Variants in RAB3GAP1 observed in about 807,000 individuals in gnomAD.
The protein encoded by RAB3GAP1 is rab3 GTPase-activating protein catalytic subunit.
Under a neutral mutation model 130.7 loss-of-function variants are expected in RAB3GAP1, and 86 were observed. The ratio of observed to expected loss-of-function variants is 0.66; its 90% CI spans 0.55 to 0.79. RAB3GAP1 has a LOEUF of 0.79. Ranked by LOEUF, RAB3GAP1 falls within the 30% of genes least tolerant of loss-of-function variation. The pLI, the probability that RAB3GAP1 is intolerant of heterozygous loss-of-function variation, is 0.00. For synonymous variants in RAB3GAP1, 367 were observed against 401.7 expected (o/e 0.91, Z 1.03); for missense variants, 1,029 against 1,169.4 (o/e 0.88, Z 1.75).
chr2:135,168,508 G>T, intron 23 of RAB3GAP1, 37 bp from the exon 24 acceptor site: 1 of 1,538,212 alleles, frequency 6.5e-7, no homozygotes, highest in South Asian at 1.1e-5. Context: ...TTTAGCATTT[G>T]ACCTGCTTTT....
chr2:135,109,334 TGTG>T (rs1201521424), intron 5 of RAB3GAP1, among the ~76,000 whole-genome samples: 1 of 152,056 alleles, frequency 6.6e-6, no homozygotes, highest in African/African-American at 2.4e-5. Flanking sequence ...TATGTGTGTG[TGTG>T]GTGGTATTGG....
At chr2:135,117,043 A>T (rs1213948361) in intron 7 of RAB3GAP1, among the ~76,000 whole-genome samples, 2 of 150,010 alleles carry the variant, frequency 1.3e-5, no homozygotes, top group East Asian at 2.0e-4. Context: ...CTTTGATATT[A>T]AAAAAAAAAT....
intron 17 of RAB3GAP1, among the ~76,000 whole-genome samples, chr2:135,145,333 C>T (rs1691962544): frequency 6.6e-6 from 1 of 151,796 alleles, no homozygotes; most frequent in Non-Finnish European, 1.5e-5. Flanking sequence ...GAACTTATTC[C>T]TTCTATCTGT....
chr2:135,173,153 G>A (rs1275072024), downstream of RAB3GAP1, among the ~76,000 whole-genome samples: 4 of 152,070 alleles, frequency 2.6e-5, no homozygotes, highest in Admixed American at 1.3e-4. Flanking sequence ...GCTAAATTTG[G>A]GGGTAATTTA....
intron 7 of RAB3GAP1, among the ~76,000 whole-genome samples, chr2:135,116,270 TATTAC>T (rs1296985774): frequency 8.1e-4 from 124 of 152,172 alleles, no homozygotes; most frequent in African/African-American, 2.7e-3. Context: ...ATTATATGTA[TATTAC>T]AATGAAGTAT....
chr2:135,126,464 A>T, intron 10 of RAB3GAP1, 119 bp from the exon 11 acceptor site: 1 of 1,059,412 alleles, frequency 9.4e-7, no homozygotes, highest in Non-Finnish European at 1.5e-6. Flanking sequence ...GAGTAAGTTT[A>T]AGGGAGGCTA....
chr2:135,073,231 A>G (rs527899562), intron 3 of RAB3GAP1, among the ~76,000 whole-genome samples: 43 of 152,320 alleles, frequency 2.8e-4, no homozygotes, highest in African/African-American at 8.9e-4. Flanking sequence ...TTGGACAGAG[A>G]GAGGGAGTGC....
At position 135,072,077 on chromosome 2, in the gene RAB3GAP1, T is replaced by C. The variant is rs114553129; in HGVS notation, c.150+13991T>C. Among the ~76,000 whole-genome samples the C allele has an allele frequency of 1.8e-3, 275 of 152,318 alleles. 1 individual carries two copies. Among genetic ancestry groups the C allele is most frequent in the African/African-American group, 6.4e-3 (266 of 41,576 alleles). On this transcript the variant is annotated intron_variant, in intron 3 of 23. Transcript: ENST00000264158. ...ACAGGTGTGCACCACCATGCCTGGC[T>C]ACTTTGTTGTATTAGTAGAGACGAG...
At chr2:135,137,099 A>G (rs1158391423) in intron 17 of RAB3GAP1, 1 of 257,232 alleles carries the variant, frequency 3.9e-6, no homozygotes, top group Non-Finnish European at 7.7e-6. Context: ...CTTAATTAAA[A>G]AAGATTGATT....
intron 9 of RAB3GAP1, 118 bp from the exon 10 acceptor site, chr2:135,126,063 G>T: frequency 1.3e-6 from 1 of 757,456 alleles, no homozygotes; most frequent in Non-Finnish European, 2.2e-6. Flanking sequence ...CCAGTATGTT[G>T]TATTATAAAT....
At chr2:135,130,429 C>G in intron 12 of RAB3GAP1, 123 bp from the exon 13 acceptor site, 1 of 816,336 alleles carries the variant, frequency 1.2e-6, no homozygotes, top group Non-Finnish European at 1.9e-6. Flanking sequence ...TTTATAATTC[C>G]AAGACCATGT....
intron 5 of RAB3GAP1, among the ~76,000 whole-genome samples, chr2:135,107,407 A>G (rs35031037): frequency 6.6e-6 from 1 of 151,770 alleles, no homozygotes; most frequent in Non-Finnish European, 1.5e-5. Context: ...AATATATATG[A>G]CAATATTGCA....
intron 11 of RAB3GAP1, among the ~76,000 whole-genome samples, chr2:135,129,279 C>T (rs62170248): frequency 0.042 from 6,391 of 151,804 alleles, 157 homozygotes; most frequent in African/African-American, 0.055. Context: ...AGTGAAACCC[C>T]GTCTCTACTA....
chr2:135,135,872 T>C lies in RAB3GAP1; in HGVS notation c.1863T>C (p.Tyr621=), dbSNP rs749901152. 1.7e-5 allele frequency: 27 copies of C among 1,614,018 alleles called. No homozygotes were observed. Among genetic ancestry groups the C allele is most frequent in the Middle Eastern group, 3.3e-4 (2 of 6,084 alleles). The change falls in exon 17 of 24, where the codon TAT becomes TAC. Residue 621 remains tyrosine (Y), a synonymous_variant. Coordinates refer to ENST00000264158, the MANE Select transcript of RAB3GAP1 (RefSeq NM_012233.3). ...MANLRPEGRL[Y]QHGKLTLLHN... is the part of the protein sequence containing the mutation. ...ATTTAAGGCCGGAAGGACGGCTCTA[T>C]CAGCATGGGAAACTTACACTGCTGC...
At chr2:135,112,726 GA>G (rs1690841553) in intron 5 of RAB3GAP1, among the ~76,000 whole-genome samples, 1 of 151,904 alleles carries the variant, frequency 6.6e-6, no homozygotes, top group Admixed American at 6.6e-5. Context: ...GTGGTCTTAT[GA>G]ATACACCCAT....
chr2:135,136,890 GC>G (rs764389417), intron 17 of RAB3GAP1: 30 of 269,838 alleles, frequency 1.1e-4, no homozygotes, highest in Non-Finnish European at 1.9e-4. Context: ...TTCAAGACCA[GC>G]CTGTATAAGA....
At chr2:135,113,298 C>CA (rs756333461) in intron 6 of RAB3GAP1, 28 bp downstream of exon 6, 11 of 1,612,054 alleles carry the variant, frequency 6.8e-6, no homozygotes, top group East Asian at 2.2e-5. Flanking sequence ...AAAACCTAGA[C>CA]AAAAAAACTG....
At chr2:135,070,610 C>A (rs1288923898) in intron 3 of RAB3GAP1, among the ~76,000 whole-genome samples, 1 of 152,108 alleles carries the variant, frequency 6.6e-6, no homozygotes, top group African/African-American at 2.4e-5. Context: ...CAGGTTCAAG[C>A]AGTTCTCTTG....
chr2:135,100,189 C>T (rs1690412306), intron 5 of RAB3GAP1, among the ~76,000 whole-genome samples: 1 of 152,156 alleles, frequency 6.6e-6, no homozygotes. Context: ...GGCTAAAATA[C>T]ATGGTATTGT....
Sources: allele counts gnomAD v4.1 joint callset (sites outside exome capture counted in the v4.1 genomes callset), GRCh38; gene constraint gnomAD v4.1.1; transcripts MANE v1.5; gene names NCBI Gene and HGNC (gene_info 2026-07-23, HGNC 2026-07-21).